ADAMTSL1: variants seen among roughly 807,000 people sequenced by gnomAD.
The protein encoded by ADAMTSL1 is ADAMTS like 1, also known as ADAMTS-like protein 1.
In ADAMTSL1, 126 loss-of-function variants were observed where a neutral mutation model predicts 201.8. The observed-to-expected ratio is 0.62, with a 90% CI of 0.54 to 0.72. The LOEUF is 0.72. Among genes scored for constraint, ADAMTSL1 ranks in the 30% least tolerant of loss-of-function variants. ADAMTSL1 has a pLI of 0.00. For synonymous variants in ADAMTSL1, 1,121 were observed against 903.4 expected (o/e 1.24, Z -4.32); for missense variants, 2,679 against 2,277.8 (o/e 1.18, Z -3.59).
At chr9:18,190,786 G>C (rs1226763590) in intron 2 of ADAMTSL1, among the ~76,000 whole-genome samples, 1 of 152,068 alleles carries the variant, frequency 6.6e-6, no homozygotes, top group East Asian at 1.9e-4. Flanking sequence ...ACAAACTGCT[G>C]GTTCTTCCCA....
At chr9:18,460,302 G>A (rs1820760204) in intron 2 of ADAMTSL1, among the ~76,000 whole-genome samples, 1 of 152,044 alleles carries the variant, frequency 6.6e-6, no homozygotes, top group Non-Finnish European at 1.5e-5. Context: ...CAAGATTTTC[G>A]AGGACTTGCC....
intron 1 of ADAMTSL1, among the ~76,000 whole-genome samples, chr9:18,009,365 A>G (rs1819959903): frequency 6.6e-6 from 1 of 152,008 alleles, no homozygotes; most frequent in South Asian, 2.1e-4. Flanking sequence ...CACTTCTAAT[A>G]GAAACCTAAA....
intron 4 of ADAMTSL1, among the ~76,000 whole-genome samples, chr9:18,594,264 T>A (rs1325262995): frequency 6.6e-6 from 1 of 152,178 alleles, no homozygotes; most frequent in Non-Finnish European, 1.5e-5. Context: ...GTTATTTACT[T>A]CTTTTCTCTT....
At chr9:18,646,897 G>C (rs188802978) in intron 7 of ADAMTSL1, among the ~76,000 whole-genome samples, 2 of 152,040 alleles carry the variant, frequency 1.3e-5, no homozygotes, top group African/African-American at 2.4e-5. Context: ...GATGATGCAG[G>C]CCTCATCAAA....
intron 2 of ADAMTSL1, among the ~76,000 whole-genome samples, chr9:18,366,493 T>C (rs1225967689): frequency 6.6e-6 from 1 of 152,118 alleles, no homozygotes; most frequent in Non-Finnish European, 1.5e-5. Context: ...CACAGGTTTT[T>C]ATATCATAAA....
intron 3 of ADAMTSL1, among the ~76,000 whole-genome samples, chr9:18,555,812 A>T (rs746265749): frequency 6.6e-5 from 10 of 151,988 alleles, no homozygotes; most frequent in Non-Finnish European, 1.3e-4. Flanking sequence ...GCCAACATCA[A>T]GTGTGGGCTG....
chr9:18,367,264 C>A lies in ADAMTSL1; in HGVS notation c.208-137565C>A, dbSNP rs954078220. On this transcript the variant is annotated intron_variant, in intron 2 of 29. Coordinates refer to the ADAMTSL1 transcript ENST00000680146. Reference sequence around the variant, plus strand: ...TTTAAAACAAATCTAAGATACAATTCCCAGGAATGCATGAAATTTATGCTT... The same window carrying A: ...TTTAAAACAAATCTAAGATACAATTACCAGGAATGCATGAAATTTATGCTT... 2.0e-4 allele frequency among the ~76,000 whole-genome samples: 31 copies of A among 152,186 alleles called. No homozygotes were observed. In the South Asian group the frequency reaches 2.1e-3, roughly 10 times the overall value.
intron 26 of ADAMTSL1, 133 bp from the exon 27 acceptor site, chr9:18,905,649 G>A (rs1294613373): frequency 4.6e-6 from 3 of 655,106 alleles, no homozygotes; most frequent in Non-Finnish European, 8.1e-6. Context: ...AGCCCAAAGA[G>A]GGGAAAGATG....
intron 3 of ADAMTSL1, among the ~76,000 whole-genome samples, chr9:18,555,231 T>A (rs762741054): frequency 1.1e-4 from 16 of 151,886 alleles, no homozygotes; most frequent in African/African-American, 3.4e-4. Flanking sequence ...TCCCTGCTTA[T>A]AAAGACTGTT....
At chr9:18,718,616 A>C (rs924096803) in intron 14 of ADAMTSL1, 3 of 376,834 alleles carry the variant, frequency 8.0e-6, no homozygotes. Context: ...TACTCTCGGC[A>C]CCACAGCAGT....
chr9:18,151,234 A>C (rs961967790), intron 1 of ADAMTSL1, among the ~76,000 whole-genome samples: 2 of 152,106 alleles, frequency 1.3e-5, no homozygotes, highest in Admixed American at 1.3e-4. Context: ...GCTAACAGCA[A>C]ACAAAAAACC....
intron 19 of ADAMTSL1, among the ~76,000 whole-genome samples, chr9:18,779,995 A>G (rs1249753182): frequency 6.6e-6 from 1 of 152,178 alleles, no homozygotes; most frequent in Non-Finnish European, 1.5e-5. Context: ...TCCTCCTAAA[A>G]AGCTGTGGAA....
In ADAMTSL1 at chr9:18,684,894, C is replaced by G. The variant is rs1298875260; in HGVS notation, c.1574+94C>G. The G allele has an allele frequency of 4.7e-6, 7 of 1,481,812 alleles. No individual in the cohort carries two copies. The East Asian group carries it at 1.8e-4, about 37-fold the overall frequency. The allele number at this position is 1,481,812 out of a possible 1,614,324, so 91.8% of individuals were successfully genotyped here. A position where few individuals can be genotyped will look rare whatever the true frequency, so the allele number is the denominator to read the frequency against. ...GGTTGTAGCTTTCATGGGTTCTGAA[C>G]TAAGTGTAATCATCTCACCAAAGCT... is the stretch of plus-strand genomic sequence containing the variant. On this transcript the variant is annotated intron_variant, in intron 13 of 28. Transcript: ENST00000380548.
At chr9:18,552,075 T>C (rs1820828213) in intron 3 of ADAMTSL1, among the ~76,000 whole-genome samples, 1 of 151,890 alleles carries the variant, frequency 6.6e-6, no homozygotes, top group Non-Finnish European at 1.5e-5. Flanking sequence ...TTTGGCTTTG[T>C]TGAGCCTATG....
chr9:18,543,552 G>A (rs1266841754), intron 3 of ADAMTSL1, among the ~76,000 whole-genome samples: 1 of 152,130 alleles, frequency 6.6e-6, no homozygotes, highest in Non-Finnish European at 1.5e-5. Flanking sequence ...ACTGGAGGTT[G>A]ACTTTGGTTC....
Position 18,022,770 on chromosome 9 carries a change from A to G in ADAMTSL1, c.87+115848A>G, listed in dbSNP as rs567722182. 6.6e-5 allele frequency among the ~76,000 whole-genome samples: 10 copies of G among 152,298 alleles called. No homozygotes were observed. In the South Asian group the frequency reaches 2.1e-3, roughly 32 times the overall value. On this transcript the variant is annotated intron_variant, in intron 1 of 29. Transcript: ENST00000680146. ...TGCTGAATTCTTCTTTCCTATTGTG[A>G]ACATGTACAAGAATTCTGTCTCCTC...
chr9:17,929,596 T>G (rs1008229055), intron 1 of ADAMTSL1, among the ~76,000 whole-genome samples: 1 of 152,162 alleles, frequency 6.6e-6, no homozygotes, highest in African/African-American at 2.4e-5. Context: ...CTGCCCTTCT[T>G]TTCTTTCAGT....
chr9:18,313,152 G>T (rs1834221915), intron 2 of ADAMTSL1, among the ~76,000 whole-genome samples: 1 of 152,196 alleles, frequency 6.6e-6, no homozygotes, highest in Non-Finnish European at 1.5e-5. Flanking sequence ...GATTCAGTAG[G>T]TATGGGGTAA....
At chr9:17,928,390 A>T (rs1035880073) in intron 1 of ADAMTSL1, among the ~76,000 whole-genome samples, 1 of 152,188 alleles carries the variant, frequency 6.6e-6, no homozygotes, top group Non-Finnish European at 1.5e-5. Flanking sequence ...TTTTGAACTC[A>T]AGGTAGAGCT....
Sources: gnomAD v4.1 joint callset for allele counts (sites outside exome capture counted in the v4.1 genomes callset) on GRCh38, gnomAD v4.1.1 for gene constraint, MANE v1.5 for transcripts, NCBI Gene and HGNC (gene_info 2026-07-23, HGNC 2026-07-21) for gene names.